The following HEATR9 variants were observed in gnomAD, a reference collection of about 807,000 sequenced individuals.
The protein encoded by HEATR9 is protein HEATR9.
Under a neutral mutation model 68.2 loss-of-function variants are expected in HEATR9, and 54 were observed. The observed-to-expected ratio is 0.79, with a 90% confidence interval of 0.64 to 0.99. The LOEUF (loss-of-function observed/expected upper bound fraction) is 0.99. Ranked by LOEUF, HEATR9 falls within the 50% of genes least tolerant of loss-of-function variation. The pLI is 0.00. For synonymous variants in HEATR9, 241 were observed against 253.5 expected (o/e 0.95, Z 0.47); for missense variants, 662 against 679.7 (o/e 0.97, Z 0.29).
chr17:35,864,546 G>A lies in HEATR9; in HGVS notation c.461C>T (p.Thr154Ile), dbSNP rs564241223. The change falls in exon 5 of 15, where the codon ACA becomes ATA. Residue 154 changes from threonine (T) to isoleucine (I), a missense_variant. Physicochemically the swap from Thr to Ile is moderately conservative, Grantham distance 89. Transcript: ENST00000604834. ...CTCTCTGGGAGATTCCAGGCTTTTTGTGAGTTCCTGCCCATCCAAGGCAGC... is the reference window on the plus strand; with the variant it reads ...CTCTCTGGGAGATTCCAGGCTTTTTATGAGTTCCTGCCCATCCAAGGCAGC... ...PLKWQRLREL[T>I]KSLESPREDE... The A allele has an allele frequency of 1.6e-5, 26 of 1,613,726 alleles. No homozygotes were observed. The highest frequency in any genetic ancestry group is 2.7e-5 in the African/African-American group (2 of 74,902).
chr17:35,858,244 T>G lies in HEATR9; in HGVS notation c.1108A>C (p.Thr370Pro). 6.2e-7 allele frequency: 1 copy of G among 1,614,170 alleles called. No individual in the cohort carries two copies. The highest frequency in any genetic ancestry group is 1.3e-5 in the African/African-American group (1 of 75,034). ...GTCTTCCTCCTGAGCAGGTTAAATG[T>G]GAGTTCCTCTAGCCCCTGTGCCTGG... is the stretch of plus-strand genomic sequence containing the variant. ...QIQAQGLEEL[T>P]FNLLRRKTHN... Residue 370 changes from threonine (T) to proline (P), a missense_variant, in exon 11 of 15, where the codon ACA becomes CCA. Thr to Pro is a conservative substitution (Grantham distance 38, BLOSUM62 -1). Transcript: ENST00000604834.
chr17:35,858,259 C>A lies in HEATR9; in HGVS notation c.1093G>T (p.Gly365Trp). The A allele has an allele frequency of 1.2e-6, 2 of 1,614,118 alleles. No homozygotes were observed. The highest frequency in any genetic ancestry group is 2.2e-5 in the South Asian group (2 of 91,072). Reference protein sequence around the residue: ...TIGLEQIQAQGLEELTFNLLR... With the variant: ...TIGLEQIQAQWLEELTFNLLR... The stretch of plus-strand genomic sequence containing the variant: ...AGGTTAAATGTGAGTTCCTCTAGCC[C>A]CTGTGCCTGGATCTGTTCCAGCCCA... Residue 365 changes from glycine to tryptophan, a missense_variant, in exon 11 of 15, where the codon GGG becomes TGG. By Grantham distance (184) the Gly-to-Trp change is radical (BLOSUM62 -2). Coordinates refer to ENST00000604834, the MANE Select transcript of HEATR9 (RefSeq NM_152781.4).
chr17:35,856,692 C>CA (rs1019915593), intron 12 of HEATR9, 40 bp downstream of exon 12: 26 of 1,550,736 alleles, frequency 1.7e-5, no homozygotes, highest in Non-Finnish European at 2.0e-5. Context: ...CCCCTTCCCA[C>CA]AGCCTAGGAT....
intron 8 of HEATR9, among the ~76,000 whole-genome samples, chr17:35,860,788 C>T (rs2087961513): frequency 6.6e-6 from 1 of 151,876 alleles, no homozygotes; most frequent in African/African-American, 2.4e-5. Context: ...CATGCCCGGC[C>T]TATTTATTTA....
intron 1 of HEATR9, chr17:35,868,449 C>G: frequency 1.2e-6 from 1 of 826,742 alleles, no homozygotes; most frequent in East Asian, 2.7e-5. Flanking sequence ...ACACAGGTGT[C>G]CCATCTTAGA....
chr17:35,856,471 T>C (rs2087775124), intron 12 of HEATR9: 3 of 1,103,940 alleles, frequency 2.7e-6, no homozygotes, highest in Non-Finnish European at 3.9e-6. Context: ...AAAGTTCTTT[T>C]CATGTCATAA....
At position 35,868,791 on chromosome 17, in the gene HEATR9, G is replaced by C. The variant is rs1314178134; in HGVS notation, c.-49C>G. 1 of 1,557,012 alleles carries C rather than the reference G, an allele frequency of 6.4e-7. No individual in the cohort carries two copies. Among genetic ancestry groups the C allele is most frequent in the Admixed American group, 1.7e-5 (1 of 59,752 alleles). On this transcript the variant is annotated 5_prime_UTR_variant, in exon 1 of 15. Transcript: ENST00000604834. ...GGGAACCTGCAGGGGGGAATACAAG[G>C]CTTTTAGGGGAGTGGGGGCACAGCT...
chr17:35,868,311 C>T (rs1039519383), intron 1 of HEATR9, among the ~76,000 whole-genome samples: 2 of 152,186 alleles, frequency 1.3e-5, no homozygotes, highest in African/African-American at 4.8e-5. Context: ...TCAATACAAA[C>T]AGGAACTAGC....
intron 8 of HEATR9, 46 bp downstream of exon 8, chr17:35,862,949 A>G (rs1021739249): frequency 1.7e-5 from 28 of 1,613,650 alleles, no homozygotes; most frequent in Non-Finnish European, 2.3e-5. Context: ...CCTATCAATT[A>G]CCTTGTCCAG....
intron 8 of HEATR9, among the ~76,000 whole-genome samples, chr17:35,862,648 T>G (rs1236630322): frequency 1.3e-5 from 2 of 152,262 alleles, no homozygotes; most frequent in Non-Finnish European, 2.9e-5. Context: ...GAGGTTGTAA[T>G]GCCATGCCCA....
chr17:35,858,756 A>G lies in HEATR9; in HGVS notation c.939+132T>C. The G allele has an allele frequency of 4.9e-6, 5 of 1,027,468 alleles. No homozygotes were observed. The South Asian group carries it at 7.4e-5, about 15-fold the overall frequency. 63.6% of individuals were successfully genotyped at this position (1,027,468 alleles called of 1,614,324 possible). A position where few individuals can be genotyped will look rare whatever the true frequency, so the allele number is the denominator to read the frequency against. On this transcript the variant is annotated intron_variant, in intron 9 of 14. Coordinates refer to ENST00000604834, the MANE Select transcript of HEATR9 (RefSeq NM_152781.4). The stretch of plus-strand genomic sequence containing the variant: ...TATATGTCCATATGACCCCATACTC[A>G]TACATGGACATAGTCATAAGCACAC...
In HEATR9 at chr17:35,863,830, C is replaced by T. The variant is rs948497860; in HGVS notation, c.568-271G>A. On this transcript the variant is annotated intron_variant, in intron 6 of 14. Transcript: ENST00000604834. The stretch of plus-strand genomic sequence containing the variant: ...CTTGGTCTCTCAGAGCTTTCATTTT[C>T]TCATTTAGAGAAATACAGATACTAA... The T allele has an allele frequency of 1.2e-5, 7 of 571,546 alleles. 1 individual carries two copies. Among genetic ancestry groups the T allele is most frequent in the South Asian group, 2.3e-5 (1 of 43,998 alleles). The allele number at this position is 571,546 out of a possible 1,614,324, so 35.4% of individuals were successfully genotyped here.
At chr17:35,856,473 A>G in intron 12 of HEATR9, 1 of 1,091,834 alleles carries the variant, frequency 9.2e-7, no homozygotes, top group Non-Finnish European at 1.3e-6. Context: ...AGTTCTTTTC[A>G]TGTCATAATT....
At chr17:35,855,958 C>G (rs2087756395) in intron 13 of HEATR9, among the ~76,000 whole-genome samples, 1 of 152,166 alleles carries the variant, frequency 6.6e-6, no homozygotes, top group Non-Finnish European at 1.5e-5. Context: ...AAGACAATTT[C>G]TGCAGCATCT....
In HEATR9 at chr17:35,865,353, T is replaced by G; in HGVS notation, c.182A>C (p.Gln61Pro). The G allele has an allele frequency of 6.2e-7, 1 of 1,613,946 alleles. No homozygotes were observed. The highest frequency in any genetic ancestry group is 8.5e-7 in the Non-Finnish European group (1 of 1,180,016). ...GACTGAGTTTGGCTTGCTCGGATGC[T>G]GCCTCCAGCACTCTGGACTTGGGGG... is the stretch of plus-strand genomic sequence containing the variant. ...EFPPSPECWRQHPSKPNSVPY... is the reference protein window; with the variant it reads ...EFPPSPECWRPHPSKPNSVPY... Residue 61 changes from glutamine to proline, a missense_variant, in exon 3 of 15, where the codon CAG becomes CCG. Gln to Pro is a moderately conservative substitution (Grantham distance 76). Coordinates refer to ENST00000604834, the MANE Select transcript of HEATR9 (RefSeq NM_152781.4).
chr17:35,865,377 G>T lies in HEATR9; in HGVS notation c.158C>A (p.Pro53His). The T allele has an allele frequency of 1.2e-6, 2 of 1,613,484 alleles. No individual in the cohort carries two copies. Among genetic ancestry groups the T allele is most frequent in the Non-Finnish European group, 1.7e-6 (2 of 1,179,962 alleles). The change falls in exon 3 of 15, where the codon CCC becomes CAC. Residue 53 changes from proline (P) to histidine (H), a missense_variant. Transcript: ENST00000604834. ...CTGCCTCCAGCACTCTGGACTTGGGGGAAACTCTTCCTTTGGCATCTGGGG... is the reference window on the plus strand; with the variant it reads ...CTGCCTCCAGCACTCTGGACTTGGGTGAAACTCTTCCTTTGGCATCTGGGG... Reference protein sequence around the residue: ...SCYQMPKEEFPPSPECWRQHP... With the variant: ...SCYQMPKEEFHPSPECWRQHP...
intron 11 of HEATR9, among the ~76,000 whole-genome samples, chr17:35,857,183 C>A (rs1352909486): frequency 6.6e-6 from 1 of 152,084 alleles, no homozygotes; most frequent in Non-Finnish European, 1.5e-5. Context: ...GGATGGGGAG[C>A]TGAAAATAGT....
At chr17:35,868,487 T>G in intron 1 of HEATR9, 168 bp downstream of exon 1, 1 of 1,278,620 alleles carries the variant, frequency 7.8e-7, no homozygotes, top group Non-Finnish European at 1.0e-6. Context: ...CTGAGGAGCC[T>G]GAGACCTTGA....
At chr17:35,867,473 AG>A (rs1451923633) in intron 1 of HEATR9, among the ~76,000 whole-genome samples, 2 of 145,220 alleles carry the variant, frequency 1.4e-5, no homozygotes, top group African/African-American at 5.0e-5. Flanking sequence ...GCAGTTGCAA[AG>A]GTAGGTTAAA....
Sources: gnomAD v4.1 joint callset for allele counts (sites outside exome capture counted in the v4.1 genomes callset) on GRCh38, gnomAD v4.1.1 for gene constraint, MANE v1.5 for transcripts, NCBI Gene and HGNC (gene_info 2026-07-23, HGNC 2026-07-21) for gene names.